PANK2: variants seen among roughly 807,000 people sequenced by gnomAD.
PANK2 encodes pantothenate kinase 2, also known as pantothenate kinase 2, mitochondrial.
Under a neutral mutation model 43.1 loss-of-function variants are expected in PANK2, and 36 were observed. That is an observed-to-expected ratio of 0.84 (90% confidence interval 0.64 to 1.10). The LOEUF (loss-of-function observed/expected upper bound fraction) is 1.10, where lower values mean the gene tolerates loss of function less well. Ranked by LOEUF, PANK2 falls within the 50% of genes least tolerant of loss-of-function variation. The pLI, the probability that PANK2 is intolerant of heterozygous loss-of-function variation, is 0.00. For synonymous variants in PANK2, 281 were observed against 238.2 expected (o/e 1.18, Z -1.66); for missense variants, 576 against 593.3 (o/e 0.97, Z 0.30).
chr20:3,910,861 C>A, intron 3 of PANK2, 31 bp downstream of exon 3: 1 of 1,613,078 alleles, frequency 6.2e-7, no homozygotes, highest in South Asian at 1.1e-5. Context: ...ACTGTTTATT[C>A]TTAGTATCCT....
In PANK2 at chr20:3,929,050, T is replaced by C. The variant is rs889709620; in HGVS notation, c.*5756T>C. ...TTTTAGTAGAGGGGGTTTCACCATA[T>C]TGGTCAGGCTGGTCTTGAACTCTTG... is the stretch of plus-strand genomic sequence containing the variant. On this transcript the variant is annotated 3_prime_UTR_variant, in exon 7 of 7. Transcript: ENST00000610179. 2 of 152,110 alleles carry C rather than the reference T, an allele frequency of 1.3e-5. No individual in the cohort carries two copies. The highest frequency in any genetic ancestry group is 4.8e-5 in the African/African-American group (2 of 41,410). 9.4% of individuals were successfully genotyped at this position (152,110 alleles called of 1,614,324 possible). A position where few individuals can be genotyped will look rare whatever the true frequency, so the allele number is the denominator to read the frequency against.
rs2146872102 is a variant in PANK2 at position 3,912,386 on chromosome 20, T to C, written c.906-72T>C. Reference sequence around the variant, plus strand: ...TGGATATGTGAATATGGTTTTGGGGTTCATAAATGTTAACTTCTTGTTCTT... The same window carrying C: ...TGGATATGTGAATATGGTTTTGGGGCTCATAAATGTTAACTTCTTGTTCTT... On this transcript the variant is annotated intron_variant, in intron 3 of 6. Coordinates refer to ENST00000610179, the MANE Select transcript of PANK2 (RefSeq NM_001386393.1). 2.6e-6 allele frequency: 4 copies of C among 1,518,458 alleles called. No individual in the cohort carries two copies. The South Asian group carries it at 4.5e-5, about 17-fold the overall frequency. The allele number at this position is 1,518,458 out of a possible 1,614,324, so 94.1% of individuals were successfully genotyped here. A position where few individuals can be genotyped will look rare whatever the true frequency, so the allele number is the denominator to read the frequency against.
chr20:3,920,513 T>C (rs1011615337), intron 6 of PANK2, among the ~76,000 whole-genome samples: 2 of 135,832 alleles, frequency 1.5e-5, no homozygotes, highest in African/African-American at 2.8e-5. Context: ...CGAGACTCTG[T>C]CTCAAAAACA....
intron 1 of PANK2, among the ~76,000 whole-genome samples, chr20:3,904,367 G>A (rs1259987135): frequency 6.6e-6 from 1 of 151,984 alleles, no homozygotes; most frequent in African/African-American, 2.4e-5. Flanking sequence ...GATTGCTGGA[G>A]GCCAGGAGTT....
chr20:3,922,667 A>G (rs1600583669), intron 6 of PANK2, among the ~76,000 whole-genome samples: 1 of 148,226 alleles, frequency 6.7e-6, no homozygotes, highest in East Asian at 2.0e-4. Flanking sequence ...CTTGCTCTCC[A>G]CACCTCTTAC....
At chr20:3,892,874 C>T (rs2090146689) in intron 1 of PANK2, among the ~76,000 whole-genome samples, 1 of 152,048 alleles carries the variant, frequency 6.6e-6, no homozygotes, top group Non-Finnish European at 1.5e-5. Context: ...AGACTTACTG[C>T]ATCAGAATCC....
At chr20:3,907,896 T>A in intron 1 of PANK2, 30 bp from the exon 2 acceptor site, 1 of 1,590,902 alleles carries the variant, frequency 6.3e-7, no homozygotes, top group South Asian at 1.1e-5. Context: ...AGAAAAAAGC[T>A]GTTCTGACTT....
rs1473418753 is a variant in PANK2 at position 3,926,971 on chromosome 20, T to A, written c.*3677T>A. On this transcript the variant is annotated 3_prime_UTR_variant, in exon 7 of 7. Transcript: ENST00000610179. Reference sequence around the variant, plus strand: ...AAAAAAAAAAAAAAAATCCGCTATTTCAGGTCACCCTGGTGCTGGCGTTCA... The same window carrying A: ...AAAAAAAAAAAAAAAATCCGCTATTACAGGTCACCCTGGTGCTGGCGTTCA... The A allele has an allele frequency of 6.4e-6, 1 of 156,130 alleles. No homozygotes were observed. The allele number at this position is 156,130 out of a possible 1,614,324, so 9.7% of individuals were successfully genotyped here.
intron 4 of PANK2, 41 bp from the exon 5 acceptor site, chr20:3,916,886 G>A: frequency 6.2e-7 from 1 of 1,612,194 alleles, no homozygotes; most frequent in South Asian, 1.1e-5. Context: ...GGGCTTTGTT[G>A]CTGTTGGTTT....
Position 3,910,918 on chromosome 20 carries a change from C to T in PANK2, c.905+88C>T, listed in dbSNP as rs2090459352. ...TTACATGTAACTACACCTTCAAGAA[C>T]CTGTTAGGTGAAAGTGTTTCTGGAT... is the stretch of plus-strand genomic sequence containing the variant. On this transcript the variant is annotated intron_variant, in intron 3 of 6. Coordinates refer to ENST00000610179, the MANE Select transcript of PANK2 (RefSeq NM_001386393.1). The T allele has an allele frequency of 4.0e-6, 6 of 1,483,826 alleles. No individual in the cohort carries two copies. In the Admixed American group the frequency reaches 6.8e-5, roughly 17 times the overall value. The allele number at this position is 1,483,826 out of a possible 1,614,324, so 91.9% of individuals were successfully genotyped here.
intron 1 of PANK2, among the ~76,000 whole-genome samples, chr20:3,906,677 T>C (rs1441704446): frequency 1.3e-5 from 2 of 152,164 alleles, no homozygotes; most frequent in Non-Finnish European, 2.9e-5. Context: ...CAATAAATAC[T>C]TGAAGTAGAG....
chr20:3,917,685 AT>A (rs1388996592), intron 5 of PANK2: 1 of 203,394 alleles, frequency 4.9e-6, no homozygotes, highest in Admixed American at 5.3e-5. Context: ...TTAAGAAGTT[AT>A]TCTTTAGATA....
At chr20:3,917,176 G>A (rs1412410271) in intron 5 of PANK2, 126 bp downstream of exon 5, 13 of 1,240,746 alleles carry the variant, frequency 1.0e-5, no homozygotes, top group South Asian at 3.7e-5. Context: ...GTTTTAGCAC[G>A]AAGTTAAAAC....
Position 3,903,152 on chromosome 20 carries a change from T to C in PANK2, c.299-4774T>C, listed in dbSNP as rs74938119. ...GATTAGCTTGCCTTTTTTTTTTTTT[T>C]CCCCCTTTTTGAGACGGAGTCTCCC... On this transcript the variant is annotated intron_variant, in intron 1 of 6. Transcript: ENST00000610179. 6.6e-3 allele frequency among the ~76,000 whole-genome samples: 916 copies of C among 138,970 alleles called. 6 individuals carry two copies. Among genetic ancestry groups the C allele is most frequent in the Non-Finnish European group, 9.3e-3 (585 of 62,720 alleles). The allele number at this position is 138,970 out of a possible 152,430, so 91.2% of individuals were successfully genotyped here.
chr20:3,897,695 G>C (rs759070518), intron 1 of PANK2, among the ~76,000 whole-genome samples: 6 of 151,954 alleles, frequency 3.9e-5, no homozygotes, highest in Non-Finnish European at 7.4e-5. Context: ...GTGAGACTGT[G>C]TCTCTCAAAA....
intron 4 of PANK2, 120 bp from the exon 5 acceptor site, chr20:3,916,807 T>C: frequency 7.1e-7 from 1 of 1,416,424 alleles, no homozygotes; most frequent in Non-Finnish European, 9.8e-7. Flanking sequence ...AAATAAAAGG[T>C]TTGAAGATTT....
chr20:3,889,351 G>A (rs1419620294), upstream of PANK2: 30 of 1,585,818 alleles, frequency 1.9e-5, no homozygotes, highest in Non-Finnish European at 2.5e-5. Flanking sequence ...GCGCGTTGGC[G>A]CAACGGAAGA....
At chr20:3,897,983 C>T (rs2090237149) in intron 1 of PANK2, among the ~76,000 whole-genome samples, 1 of 151,496 alleles carries the variant, frequency 6.6e-6, no homozygotes, top group Non-Finnish European at 1.5e-5. Context: ...TCCATCTGAG[C>T]AACAGAGCGA....
In PANK2 at chr20:3,908,188, A is replaced by C; in HGVS notation, c.561A>C (p.Gln187His). The C allele has an allele frequency of 6.2e-7, 1 of 1,614,070 alleles. No individual in the cohort carries two copies. Among genetic ancestry groups the C allele is most frequent in the African/African-American group, 1.3e-5 (1 of 75,026 alleles). The stretch of plus-strand genomic sequence containing the variant: ...CTCATGACATGCCTGCTTTTATTCA[A>C]ATGGGCAGAGATAAAAACTTCTCGA... The change falls in exon 2 of 7, where the codon CAA (glutamine) becomes CAC (histidine). Residue 187 changes from glutamine to histidine, a missense_variant. Gln to His is a conservative substitution (Grantham distance 24, BLOSUM62 0). Around this residue, in one of 2 missense-constraint regions of PANK2, gnomAD observed 544 missense variants for 528.9 expected, o/e 1.03. Coordinates refer to ENST00000610179, the MANE Select transcript of PANK2 (RefSeq NM_001386393.1).
Sources: gnomAD v4.1 joint callset for allele counts (sites outside exome capture counted in the v4.1 genomes callset) on GRCh38, gnomAD v4.1.1 for gene constraint, gnomAD v4.1.1 regional missense constraint, MANE v1.5 for transcripts, NCBI Gene and HGNC (gene_info 2026-07-23, HGNC 2026-07-21) for gene names.